The following LGMN variants were observed in gnomAD, a reference collection of about 807,000 sequenced individuals.
LGMN encodes asparaginyl endopeptidase.
A neutral mutation model predicts 56.8 loss-of-function variants in LGMN; 36 were observed. The observed-to-expected ratio is 0.63, with a 90% CI of 0.49 to 0.84. LGMN has a LOEUF of 0.84. Among genes scored for constraint, LGMN ranks in the 40% least tolerant of loss-of-function variants. The probability of loss-of-function intolerance (pLI) is 0.00; values close to 1 mark genes in which losing one functional copy is unlikely to be tolerated. For missense variants in LGMN, 446 were observed against 556.1 expected (o/e 0.80, Z 1.99); for synonymous variants, 199 against 210.1 (o/e 0.95, Z 0.46).
At chr14:92,739,017 C>CA (rs771147697) in intron 1 of LGMN, among the ~76,000 whole-genome samples, 1,040 of 72,282 alleles carry the variant, frequency 0.014, 6 homozygotes, top group East Asian at 0.058. Context: ...GACTCTGTCT[C>CA]AAAAAAAAAA....
chr14:92,727,947 T>C (rs1299754248), intron 2 of LGMN, among the ~76,000 whole-genome samples: 1 of 152,194 alleles, frequency 6.6e-6, no homozygotes, highest in Admixed American at 6.5e-5. Flanking sequence ...TCAAGTCTGT[T>C]TTAATGCTCA....
intron 8 of LGMN, chr14:92,712,595 T>C (rs1052335364): frequency 1.0e-5 from 6 of 571,876 alleles, no homozygotes; most frequent in South Asian, 2.0e-5. Flanking sequence ...GGAAGAGCAC[T>C]GTGAGGCTCA....
intron 11 of LGMN, among the ~76,000 whole-genome samples, chr14:92,709,065 C>G (rs548443505): frequency 6.6e-6 from 1 of 152,162 alleles, no homozygotes; most frequent in African/African-American, 2.4e-5. Flanking sequence ...CACTGATGAG[C>G]TACTGAAAAC....
chr14:92,733,147 C>G (rs1891138532), intron 1 of LGMN, among the ~76,000 whole-genome samples: 1 of 55,832 alleles, frequency 1.8e-5, no homozygotes, highest in African/African-American at 1.3e-4. Flanking sequence ...GACTCTGTCT[C>G]CAAAAAAAAA....
chr14:92,719,121 CACCACA>C (rs1464277837), intron 2 of LGMN, among the ~76,000 whole-genome samples: 4 of 150,770 alleles, frequency 2.7e-5, no homozygotes, highest in East Asian at 1.9e-4. Context: ...CACACCCCAC[CACCACA>C]ACCACCGCCA....
chr14:92,721,546 G>A (rs1184074297), intron 2 of LGMN, among the ~76,000 whole-genome samples: 1 of 152,178 alleles, frequency 6.6e-6, no homozygotes, highest in Non-Finnish European at 1.5e-5. Context: ...ATACAGCTAT[G>A]ATGGAAGTAT....
rs575310251 is a variant in LGMN at position 92,714,683 on chromosome 14, G to A, written c.405-232C>T. On this transcript the variant is annotated intron_variant, in intron 5 of 13. Coordinates refer to ENST00000334869, the MANE Select transcript of LGMN (RefSeq NM_005606.7). The surrounding 1 kb of genome is among the most constrained non-coding windows in gnomAD (Gnocchi z 5.1). ...CTAGAGCCTCCAAATTCTGAACTAC[G>A]GCTGGAAAGGAGGAGGGGCCTTTCC... Among the ~76,000 whole-genome samples, 3 of 152,172 alleles carry A rather than the reference G, an allele frequency of 2.0e-5. No individual in the cohort carries two copies. The highest frequency in any genetic ancestry group is 6.5e-5 in the Admixed American group (1 of 15,286).
At chr14:92,713,673 C>T in intron 7 of LGMN, 150 bp downstream of exon 7, 1 of 691,926 alleles carries the variant, frequency 1.4e-6, no homozygotes, top group Non-Finnish European at 2.6e-6. Context: ...AGCCGAAAGC[C>T]TCATCCTGGG....
intron 5 of LGMN, among the ~76,000 whole-genome samples, chr14:92,715,214 G>GGTGGGT (rs1890009931): frequency 6.7e-6 from 1 of 148,930 alleles, no homozygotes; most frequent in Admixed American, 6.7e-5. Context: ...GGTCAGGGTG[G>GGTGGGT]GTGTGTGTGT....
intron 2 of LGMN, among the ~76,000 whole-genome samples, chr14:92,728,725 G>C (rs146125155): frequency 2.0e-5 from 3 of 152,314 alleles, no homozygotes; most frequent in Admixed American, 6.5e-5. Flanking sequence ...CACATGACTA[G>C]AGTAGTGATT....
intron 2 of LGMN, among the ~76,000 whole-genome samples, chr14:92,719,369 C>CCAT (rs1890337924): frequency 7.0e-6 from 1 of 143,674 alleles, no homozygotes; most frequent in African/African-American, 2.6e-5. Flanking sequence ...ACCACCACCA[C>CCAT]CACCAACACC....
At chr14:92,728,577 C>T (rs989698276) in intron 2 of LGMN, among the ~76,000 whole-genome samples, 12 of 152,224 alleles carry the variant, frequency 7.9e-5, no homozygotes, top group African/African-American at 2.7e-4. Context: ...TGTTATACGG[C>T]GCATGACTAA....
intron 11 of LGMN, among the ~76,000 whole-genome samples, chr14:92,708,449 A>G (rs573083427): frequency 3.9e-5 from 6 of 152,226 alleles, no homozygotes; most frequent in Admixed American, 3.3e-4. Flanking sequence ...AAATTAATAA[A>G]TAAAGAGGCC....
At chr14:92,734,497 A>T (rs767197669) in intron 1 of LGMN, among the ~76,000 whole-genome samples, 11 of 152,036 alleles carry the variant, frequency 7.2e-5, no homozygotes, top group Admixed American at 3.9e-4. Flanking sequence ...AAAATTAGCC[A>T]GGCGTGGTGG....
intron 1 of LGMN, among the ~76,000 whole-genome samples, chr14:92,740,297 C>T (rs893362943): frequency 2.0e-5 from 3 of 152,192 alleles, no homozygotes; most frequent in Non-Finnish European, 2.9e-5. Flanking sequence ...GGATGTGTTG[C>T]GGAGTGGCAC....
rs1890053345 is a variant in LGMN, at chr14:92,715,976, C to T, written c.404+160G>A. Reference sequence around the variant, plus strand: ...GGGCCACCAAGAGAAGCCACTGAAACAACAGCCCTAAGCACCTGTCCTAAG... The same window carrying T: ...GGGCCACCAAGAGAAGCCACTGAAATAACAGCCCTAAGCACCTGTCCTAAG... On this transcript the variant is annotated intron_variant, in intron 5 of 13. Transcript: ENST00000334869. The T allele has an allele frequency of 1.3e-5, 6 of 478,970 alleles. 1 individual carries two copies. Among genetic ancestry groups the T allele is most frequent in the Middle Eastern group, 4.0e-4 (1 of 2,474 alleles). 29.7% of individuals were successfully genotyped at this position (478,970 alleles called of 1,614,324 possible).
At chr14:92,722,396 T>G (rs952808847) in intron 2 of LGMN, among the ~76,000 whole-genome samples, 8 of 151,914 alleles carry the variant, frequency 5.3e-5, no homozygotes, top group African/African-American at 1.9e-4. Flanking sequence ...GGCTGGCCAA[T>G]ATGGTAAAAC....
intron 1 of LGMN, 128 bp from the exon 2 acceptor site, chr14:92,732,943 G>A (rs572233952): frequency 7.8e-5 from 50 of 636,998 alleles, no homozygotes; most frequent in Non-Finnish European, 1.2e-4. Flanking sequence ...GAGGTCAGGA[G>A]TTTGAGATCA....
At chr14:92,724,441 G>A (rs1226940425) in intron 2 of LGMN, among the ~76,000 whole-genome samples, 1 of 152,146 alleles carries the variant, frequency 6.6e-6, no homozygotes, top group African/African-American at 2.4e-5. Flanking sequence ...ACTCAGCGGG[G>A]TTCTTCCATT....
Sources: allele counts gnomAD v4.1 joint callset (sites outside exome capture counted in the v4.1 genomes callset), GRCh38; gene constraint gnomAD v4.1.1; non-coding constraint Gnocchi (gnomAD v3.1); transcripts MANE v1.5; gene names NCBI Gene and HGNC (gene_info 2026-07-23, HGNC 2026-07-21).